Variants in OXR1 observed in about 807,000 individuals in gnomAD.
The protein encoded by OXR1 is oxidation resistance 1.
Under a neutral mutation model 104.6 loss-of-function variants are expected in OXR1, and 41 were observed. That is an observed-to-expected ratio of 0.39 (90% confidence interval 0.31 to 0.51). OXR1 has a LOEUF of 0.51. OXR1 is among the 20% of genes least tolerant of loss of function. OXR1 has a pLI of 0.77. For missense variants in OXR1, 955 were observed against 1,031.9 expected (o/e 0.93, Z 1.02); for synonymous variants, 348 against 348.4 (o/e 1.00, Z 0.01).
At chr8:106,356,205 AG>A (rs1563734243) in intron 1 of OXR1, among the ~76,000 whole-genome samples, 1 of 152,324 alleles carries the variant, frequency 6.6e-6, no homozygotes, top group East Asian at 1.9e-4. Flanking sequence ...TACATTTTAA[AG>A]GGATGGCTCC....
chr8:106,308,420 T>A (rs1813553279), intron 1 of OXR1, among the ~76,000 whole-genome samples: 1 of 152,146 alleles, frequency 6.6e-6, no homozygotes, highest in South Asian at 2.1e-4. Context: ...CACAGACACA[T>A]CTAGAAATAA....
At chr8:106,319,381 G>A (rs1045389082) in intron 1 of OXR1, among the ~76,000 whole-genome samples, 5 of 152,182 alleles carry the variant, frequency 3.3e-5, no homozygotes, top group African/African-American at 1.2e-4. Context: ...ATTTCAGACT[G>A]ATTATTGGCC....
chr8:106,393,488 G>A (rs1372533720), intron 2 of OXR1, among the ~76,000 whole-genome samples: 1 of 152,056 alleles, frequency 6.6e-6, no homozygotes, highest in African/African-American at 2.4e-5. Flanking sequence ...AACAGTCTAT[G>A]TTAAAAGTCT....
chr8:106,558,261 T>A (rs141116822), intron 3 of OXR1, among the ~76,000 whole-genome samples: 1 of 152,228 alleles, frequency 6.6e-6, no homozygotes, highest in Admixed American at 6.5e-5. Context: ...CGTATTGCTA[T>A]GTACCAAAGC....
chr8:106,665,632 A>G (rs1361285191), intron 3 of OXR1, among the ~76,000 whole-genome samples: 1 of 152,216 alleles, frequency 6.6e-6, no homozygotes, highest in Non-Finnish European at 1.5e-5. Flanking sequence ...TTTTAACTTC[A>G]AGAAATCTAA....
At chr8:106,671,435 A>G (rs1011639134) in intron 3 of OXR1, among the ~76,000 whole-genome samples, 10 of 152,172 alleles carry the variant, frequency 6.6e-5, no homozygotes. Flanking sequence ...TGTTTCATAT[A>G]TCTTGGCAGT....
intron 3 of OXR1, among the ~76,000 whole-genome samples, chr8:106,569,291 A>G (rs1009659229): frequency 1.6e-4 from 24 of 152,084 alleles, no homozygotes; most frequent in African/African-American, 5.6e-4. Flanking sequence ...ATAAATTCTT[A>G]AAAGGAGAGT....
chr8:106,484,823 G>C (rs552048376), intron 2 of OXR1, among the ~76,000 whole-genome samples: 1 of 151,930 alleles, frequency 6.6e-6, no homozygotes, highest in South Asian at 2.1e-4. Flanking sequence ...ACATGACCCA[G>C]CAATCACACT....
intron 11 of OXR1, among the ~76,000 whole-genome samples, chr8:106,723,792 TTTA>T (rs1480875069): frequency 6.6e-6 from 1 of 152,142 alleles, no homozygotes; most frequent in East Asian, 1.9e-4. Context: ...TATTTTTAAA[TTTA>T]TTATTATTTT....
chr8:106,474,772 G>C (rs1821712804), intron 2 of OXR1, among the ~76,000 whole-genome samples: 1 of 151,994 alleles, frequency 6.6e-6, no homozygotes, highest in South Asian at 2.1e-4. Flanking sequence ...CCTTGAGCAA[G>C]ATGATTTTAT....
chr8:106,288,592 CATAT>C (rs1388111144), intron 1 of OXR1, among the ~76,000 whole-genome samples: 3 of 132,850 alleles, frequency 2.3e-5, no homozygotes, highest in Non-Finnish European at 4.9e-5. Context: ...ATATACACAC[CATAT>C]ATATACTCTC....
chr8:106,629,587 A>T (rs189493758), intron 3 of OXR1, among the ~76,000 whole-genome samples: 78 of 152,216 alleles, frequency 5.1e-4, no homozygotes, highest in Non-Finnish European at 8.1e-4. Flanking sequence ...ATAATTTAAA[A>T]ACTCATTAAT....
intron 3 of OXR1, among the ~76,000 whole-genome samples, chr8:106,560,302 T>C (rs1207380225): frequency 6.6e-6 from 1 of 152,328 alleles, no homozygotes; most frequent in African/African-American, 2.4e-5. Flanking sequence ...AAGTTCAAGA[T>C]ATCCACTGGT....
intron 3 of OXR1, among the ~76,000 whole-genome samples, chr8:106,605,399 T>C (rs1461496902): frequency 2.6e-5 from 4 of 152,110 alleles, no homozygotes; most frequent in African/African-American, 9.7e-5. Context: ...AGCCTGGAGT[T>C]GCCTGGTGAC....
At chr8:106,521,496 C>T (rs1016240362) in intron 3 of OXR1, among the ~76,000 whole-genome samples, 1 of 130,968 alleles carries the variant, frequency 7.6e-6, no homozygotes, top group South Asian at 2.5e-4. Flanking sequence ...GTTGCCATCC[C>T]TGCGCTATAA....
chr8:106,510,194 A>G (rs1290996109), intron 2 of OXR1, among the ~76,000 whole-genome samples: 1 of 152,192 alleles, frequency 6.6e-6, no homozygotes, highest in Non-Finnish European at 1.5e-5. Context: ...AGGTTTTTAT[A>G]TGTAGACATG....
intron 3 of OXR1, among the ~76,000 whole-genome samples, chr8:106,537,373 G>T (rs953685373): frequency 1.2e-4 from 18 of 152,122 alleles, no homozygotes; most frequent in African/African-American, 3.4e-4. Context: ...ATAACACACA[G>T]GATGTAAATG....
intron 1 of OXR1, among the ~76,000 whole-genome samples, chr8:106,301,685 G>A (rs767171811): frequency 4.6e-5 from 7 of 152,184 alleles, no homozygotes; most frequent in Non-Finnish European, 1.0e-4. Context: ...GGTAAGTTAA[G>A]TAATAACCTC....
chr8:106,274,839 G>C (rs1811971412), intron 1 of OXR1, among the ~76,000 whole-genome samples: 1 of 152,190 alleles, frequency 6.6e-6, no homozygotes, highest in Admixed American at 6.5e-5. Flanking sequence ...AAAGACCTGA[G>C]GAAAAGATGA....
Sources: allele counts gnomAD v4.1 joint callset (sites outside exome capture counted in the v4.1 genomes callset), GRCh38; gene constraint gnomAD v4.1.1; transcripts MANE v1.5; gene names NCBI Gene and HGNC (gene_info 2026-07-23, HGNC 2026-07-21).